The following GALNT13 variants were observed in gnomAD, a reference collection of about 807,000 sequenced individuals.
GALNT13 encodes polypeptide N-acetylgalactosaminyltransferase 13, also known as UDP-GalNAc:polypeptide N-acetylgalactosaminyltransferase 13.
A neutral mutation model predicts 64.2 loss-of-function variants in GALNT13; 28 were observed. The ratio of observed to expected loss-of-function variants is 0.44; its 90% CI spans 0.32 to 0.60. The LOEUF (loss-of-function observed/expected upper bound fraction) is 0.60. Ranked by LOEUF, GALNT13 falls within the 20% of genes least tolerant of loss-of-function variation. The probability of loss-of-function intolerance (pLI) is 0.05; values close to 1 mark genes in which losing one functional copy is unlikely to be tolerated. For missense variants in GALNT13, 577 were observed against 669.8 expected, an observed-to-expected ratio of 0.86 and a Z score of 1.53; for synonymous variants, 214 against 224.6, an observed-to-expected ratio of 0.95 and a Z score of 0.42.
chr2:153,945,888 T>A (rs1691702387), intron 3 of GALNT13, among the ~76,000 whole-genome samples: 1 of 152,168 alleles, frequency 6.6e-6, no homozygotes, highest in Non-Finnish European at 1.5e-5. Flanking sequence ...GGAACTTGCA[T>A]TTTAGATTTT....
the GALNT13 span, among the ~76,000 whole-genome samples, chr2:153,307,407 T>C: frequency 9.9e-4 from 151 of 152,208 alleles, 1 homozygote; most frequent in African/African-American, 3.5e-3. Context: ...AAAATAGAAA[T>C]GGCCTAAATA....
intron 9 of GALNT13, among the ~76,000 whole-genome samples, chr2:154,356,939 G>C (rs977116498): frequency 6.6e-6 from 1 of 151,852 alleles, no homozygotes; most frequent in Non-Finnish European, 1.5e-5. Flanking sequence ...GCTTTTGGTT[G>C]TCTTATATGA....
At chr2:153,776,319 G>T in the GALNT13 span, among the ~76,000 whole-genome samples, 2 of 152,244 alleles carry the variant, frequency 1.3e-5, no homozygotes, top group Non-Finnish European at 1.5e-5. Flanking sequence ...CATCACAGTT[G>T]GTTGTGAATA....
chr2:153,234,923 A>T, the GALNT13 span, among the ~76,000 whole-genome samples: 1 of 152,194 alleles, frequency 6.6e-6, no homozygotes, highest in Non-Finnish European at 1.5e-5. Flanking sequence ...TTTGTTCAAC[A>T]GCATGTGCTT....
chr2:153,618,685 A>T, the GALNT13 span, among the ~76,000 whole-genome samples: 11 of 151,920 alleles, frequency 7.2e-5, no homozygotes, highest in African/African-American at 2.7e-4. Context: ...TGTCCTTTAT[A>T]TAGCTAAGTG....
At chr2:154,314,671 T>C (rs1574073628) in intron 9 of GALNT13, among the ~76,000 whole-genome samples, 1 of 151,840 alleles carries the variant, frequency 6.6e-6, no homozygotes, top group African/African-American at 2.4e-5. Context: ...GTGAGGGAGA[T>C]GGGAAGTGCC....
chr2:153,667,563 G>T, the GALNT13 span, among the ~76,000 whole-genome samples: 1 of 152,200 alleles, frequency 6.6e-6, no homozygotes, highest in Non-Finnish European at 1.5e-5. Context: ...ATCCTTTTCA[G>T]ATAAGCAAAT....
At chr2:153,607,952 T>C in the GALNT13 span, among the ~76,000 whole-genome samples, 1 of 152,172 alleles carries the variant, frequency 6.6e-6, no homozygotes, top group Non-Finnish European at 1.5e-5. Context: ...AGCTCATATA[T>C]ATATGTAAGT....
chr2:153,688,363 C>G, the GALNT13 span, among the ~76,000 whole-genome samples: 2 of 151,958 alleles, frequency 1.3e-5, no homozygotes, highest in Non-Finnish European at 2.9e-5. Context: ...CTATTATGTT[C>G]TGTGTGACTT....
At chr2:153,527,412 G>T in the GALNT13 span, among the ~76,000 whole-genome samples, 1 of 152,018 alleles carries the variant, frequency 6.6e-6, no homozygotes, top group Non-Finnish European at 1.5e-5. Flanking sequence ...GAAGGAAAAA[G>T]ACTTTTATCC....
At chr2:153,133,207 T>C in the GALNT13 span, among the ~76,000 whole-genome samples, 295 of 152,266 alleles carry the variant, frequency 1.9e-3, 2 homozygotes, top group African/African-American at 6.6e-3. Flanking sequence ...TACTTCATGC[T>C]GATTTGACCG....
At chr2:154,025,618 C>T (rs1697899641) in intron 3 of GALNT13, among the ~76,000 whole-genome samples, 1 of 152,150 alleles carries the variant, frequency 6.6e-6, no homozygotes. Flanking sequence ...TTAATTTACA[C>T]AGTGTTAATT....
the GALNT13 span, among the ~76,000 whole-genome samples, chr2:153,282,927 G>A: frequency 6.6e-6 from 1 of 152,188 alleles, no homozygotes; most frequent in African/African-American, 2.4e-5. Context: ...CCTTGCTTCT[G>A]TAGCCCTGTG....
At chr2:154,365,456 C>T (rs1697314680) in intron 9 of GALNT13, among the ~76,000 whole-genome samples, 1 of 152,190 alleles carries the variant, frequency 6.6e-6, no homozygotes, top group Admixed American at 6.5e-5. Context: ...TATGCTAGAA[C>T]TTGCCGTTTT....
the GALNT13 span, among the ~76,000 whole-genome samples, chr2:153,105,280 T>C: frequency 6.3e-3 from 962 of 152,116 alleles, 8 homozygotes; most frequent in African/African-American, 0.022. Context: ...ACCACATGAT[T>C]ATCTCAATAG....
At chr2:154,105,241 G>T (rs12693918) in intron 3 of GALNT13, among the ~76,000 whole-genome samples, 30,292 of 151,836 alleles carry the variant, frequency 0.2, 3,933 homozygotes, top group Middle Eastern at 0.32. Flanking sequence ...TGATGGAGGA[G>T]AACTTGTATC....
At chr2:153,118,108 AACACACACACACACAC>A in the GALNT13 span, among the ~76,000 whole-genome samples, 1 of 12,782 alleles carries the variant, frequency 7.8e-5, no homozygotes, top group African/African-American at 1.2e-4. Flanking sequence ...ACTATGTACC[AACACACACACACACAC>A]ACACACACAC....
intron 9 of GALNT13, among the ~76,000 whole-genome samples, chr2:154,340,534 T>C (rs1454226914): frequency 6.6e-6 from 1 of 152,150 alleles, no homozygotes; most frequent in African/African-American, 2.4e-5. Flanking sequence ...TATTATTCCG[T>C]GTGTTGCCTG....
At chr2:153,410,097 T>G in the GALNT13 span, among the ~76,000 whole-genome samples, 1 of 152,220 alleles carries the variant, frequency 6.6e-6, no homozygotes, top group Non-Finnish European at 1.5e-5. Context: ...AATGCTTTGT[T>G]GTTGTTGAGA....
Sources: gnomAD v4.1 joint callset for allele counts (sites outside exome capture counted in the v4.1 genomes callset) on GRCh38, gnomAD v4.1.1 for gene constraint, MANE v1.5 for transcripts, NCBI Gene and HGNC (gene_info 2026-07-23, HGNC 2026-07-21) for gene names.